The following SRGAP3 variants were observed in gnomAD, a reference collection of about 807,000 sequenced individuals.
The protein encoded by SRGAP3 is SLIT-ROBO Rho GTPase activating protein 3.
In SRGAP3, 39 loss-of-function variants were observed where a neutral mutation model predicts 121.1. That is an observed-to-expected ratio of 0.32 (90% CI 0.25 to 0.42). The LOEUF (loss-of-function observed/expected upper bound fraction) is 0.42. Ranked by LOEUF, SRGAP3 falls within the 10% of genes least tolerant of loss-of-function variation. SRGAP3 has a pLI of 1.00. For synonymous variants in SRGAP3, 601 were observed against 570.0 expected (o/e 1.05, Z -0.77); for missense variants, 1,213 against 1,470.6 (o/e 0.82, Z 2.86).
intron 18 of SRGAP3, among the ~76,000 whole-genome samples, chr3:8,996,280 G>C (rs1321190849): frequency 1.0e-5 from 1 of 98,612 alleles, no homozygotes; most frequent in East Asian, 2.3e-4. Context: ...GCCACGGATG[G>C]CATGGAAAAA....
chr3:9,323,011 C>T (rs1190036121), intron 3 of SRGAP3, among the ~76,000 whole-genome samples: 1 of 151,892 alleles, frequency 6.6e-6, no homozygotes, highest in Non-Finnish European at 1.5e-5. Context: ...ACTATTCATA[C>T]ATATAACACA....
At position 9,058,300 on chromosome 3, in the gene SRGAP3, A is replaced by C. The variant is rs762414069; in HGVS notation, c.974T>G (p.Val325Gly). ...KHTVMDMCNQ[V>G]FCPPLKFEFQ... ...CTCGAACTTGAGTGGAGGGCAGAAG[A>C]CTTGATTGCACATGTCCATGACTGT... The change falls in exon 7 of 22, where the codon GTC becomes GGC. Residue 325 changes from valine to glycine, a missense_variant. Coordinates refer to ENST00000383836, the MANE Select transcript of SRGAP3 (RefSeq NM_014850.4). The C allele has an allele frequency of 6.2e-7, 1 of 1,614,072 alleles. No homozygotes were observed. The highest frequency in any genetic ancestry group is 8.5e-7 in the Non-Finnish European group (1 of 1,180,016).
At chr3:9,167,589 C>T (rs1488593204) in intron 1 of SRGAP3, among the ~76,000 whole-genome samples, 5 of 152,146 alleles carry the variant, frequency 3.3e-5, no homozygotes, top group East Asian at 3.9e-4. Context: ...AAGTTGGGAC[C>T]GCATTCCTTT....
chr3:9,236,650 G>A (rs1469135636), intron 1 of SRGAP3, among the ~76,000 whole-genome samples: 1 of 151,838 alleles, frequency 6.6e-6, no homozygotes, highest in Non-Finnish European at 1.5e-5. Flanking sequence ...TGCCATGATT[G>A]TAAGTATCCT....
intron 3 of SRGAP3, among the ~76,000 whole-genome samples, chr3:9,323,489 T>C (rs1955468805): frequency 6.6e-6 from 1 of 151,812 alleles, no homozygotes. Context: ...CTCTAATTTA[T>C]TTGACAAGGA....
intron 3 of SRGAP3, among the ~76,000 whole-genome samples, chr3:9,306,722 T>C (rs924347837): frequency 6.6e-6 from 1 of 152,200 alleles, no homozygotes; most frequent in African/African-American, 2.4e-5. Context: ...GATCAGATGG[T>C]TGTAGATGTG....
chr3:9,037,839 G>T, intron 11 of SRGAP3: 1 of 609,062 alleles, frequency 1.6e-6, no homozygotes, highest in Non-Finnish European at 2.9e-6. Flanking sequence ...AGCCCCAAAA[G>T]CGCCCCTTCC....
At chr3:9,223,557 C>A (rs551686199) in intron 1 of SRGAP3, among the ~76,000 whole-genome samples, 2 of 152,274 alleles carry the variant, frequency 1.3e-5, no homozygotes, top group South Asian at 4.1e-4. Flanking sequence ...GGAGGAGTTC[C>A]TCATGATACA....
chr3:9,314,611 C>A (rs2125279824), intron 3 of SRGAP3, among the ~76,000 whole-genome samples: 1 of 152,180 alleles, frequency 6.6e-6, no homozygotes, highest in African/African-American at 2.4e-5. Context: ...CTTACTATAG[C>A]CCCCTCACAA....
At chr3:9,343,879 G>T (rs1955835276) in intron 1 of SRGAP3, among the ~76,000 whole-genome samples, 1 of 152,104 alleles carries the variant, frequency 6.6e-6, no homozygotes, top group Admixed American at 6.6e-5. Flanking sequence ...ATGTTGCCCA[G>T]GCTGGCCTCG....
intron 3 of SRGAP3, among the ~76,000 whole-genome samples, chr3:9,276,233 C>T (rs1353767753): frequency 1.3e-5 from 2 of 152,138 alleles, no homozygotes; most frequent in Non-Finnish European, 2.9e-5. Context: ...GGGTTCCTGG[C>T]TTAACAGAAA....
At chr3:9,077,985 T>C (rs1403963824) in intron 4 of SRGAP3, among the ~76,000 whole-genome samples, 1 of 152,124 alleles carries the variant, frequency 6.6e-6, no homozygotes, top group East Asian at 1.9e-4. Flanking sequence ...GAGTTTATAC[T>C]CCAACATGTT....
intron 1 of SRGAP3, among the ~76,000 whole-genome samples, chr3:9,332,408 C>T (rs1287465822): frequency 6.6e-6 from 1 of 152,210 alleles, no homozygotes; most frequent in Non-Finnish European, 1.5e-5. Flanking sequence ...GCATGAGCCA[C>T]CACACCCAGC....
intron 1 of SRGAP3, among the ~76,000 whole-genome samples, chr3:9,211,348 A>G (rs1952440163): frequency 6.6e-6 from 1 of 152,204 alleles, no homozygotes; most frequent in African/African-American, 2.4e-5. Context: ...AAAACATCTG[A>G]AAACCACCAA....
At chr3:9,193,473 T>C (rs1218564821) in intron 1 of SRGAP3, 2 of 152,218 alleles carry the variant, frequency 1.3e-5, no homozygotes, top group Non-Finnish European at 2.9e-5. Context: ...TGGGGAGCCA[T>C]GCAGAGGAGG....
chr3:9,019,833 T>C (rs1420842045), intron 14 of SRGAP3, among the ~76,000 whole-genome samples: 1 of 152,226 alleles, frequency 6.6e-6, no homozygotes, highest in Non-Finnish European at 1.5e-5. Flanking sequence ...TGAACAATCA[T>C]GCATGGTGGC....
chr3:9,241,887 G>A (rs1953651778), intron 1 of SRGAP3, among the ~76,000 whole-genome samples: 1 of 151,782 alleles, frequency 6.6e-6, no homozygotes, highest in Non-Finnish European at 1.5e-5. Flanking sequence ...GACAAGCCTG[G>A]GTAACATGGT....
intron 1 of SRGAP3, among the ~76,000 whole-genome samples, chr3:9,342,276 G>A (rs113249985): frequency 1.9e-4 from 29 of 151,976 alleles, no homozygotes; most frequent in East Asian, 7.8e-4. Context: ...GCTTGAACCC[G>A]GGAGGCAGAG....
chr3:9,110,441 C>G (rs1948580555), intron 2 of SRGAP3, among the ~76,000 whole-genome samples: 1 of 152,222 alleles, frequency 6.6e-6, no homozygotes, highest in South Asian at 2.1e-4. Context: ...CACAGAACAA[C>G]AAGGAAGGCT....
Sources: gnomAD v4.1 joint callset for allele counts (sites outside exome capture counted in the v4.1 genomes callset) on GRCh38, gnomAD v4.1.1 for gene constraint, MANE v1.5 for transcripts, NCBI Gene and HGNC (gene_info 2026-07-23, HGNC 2026-07-21) for gene names.